TMEM181: variants seen among roughly 807,000 people sequenced by gnomAD.
TMEM181 encodes the protein G protein-coupled receptor 178.
Under a neutral mutation model 71.9 loss-of-function variants are expected in TMEM181, and 39 were observed. The ratio of observed to expected loss-of-function variants is 0.54; its 90% CI spans 0.42 to 0.71. The LOEUF is 0.71. TMEM181 is among the 30% of genes least tolerant of loss of function. The probability of loss-of-function intolerance (pLI) is 0.00; values close to 1 mark genes in which losing one functional copy is unlikely to be tolerated. For synonymous variants in TMEM181, 245 were observed against 228.8 expected (o/e 1.07, Z -0.64); for missense variants, 595 against 583.0 (o/e 1.02, Z -0.21).
chr6:158,546,983 TAAAG>T (rs898215928), intron 1 of TMEM181, among the ~76,000 whole-genome samples: 4 of 142,740 alleles, frequency 2.8e-5, no homozygotes, highest in African/African-American at 1.2e-4. Flanking sequence ...AACAAACAAA[TAAAG>T]AATACTGATG....
At chr6:158,562,560 A>T (rs1014902752) in intron 1 of TMEM181, among the ~76,000 whole-genome samples, 2 of 151,628 alleles carry the variant, frequency 1.3e-5, no homozygotes, top group African/African-American at 4.9e-5. Context: ...GAAGTGTATT[A>T]ATTAGAACCA....
intron 1 of TMEM181, among the ~76,000 whole-genome samples, chr6:158,552,640 G>A (rs1159321725): frequency 2.0e-5 from 3 of 152,174 alleles, no homozygotes; most frequent in Non-Finnish European, 4.4e-5. Flanking sequence ...AAAAGTTACA[G>A]GAGCTGATAA....
intron 1 of TMEM181, among the ~76,000 whole-genome samples, chr6:158,563,697 T>C (rs138431662): frequency 1.8e-3 from 273 of 152,358 alleles, no homozygotes; most frequent in Middle Eastern, 0.01. Flanking sequence ...TCACTGGGCT[T>C]GCAATCTGGA....
At chr6:158,560,948 TG>T (rs888466312) in intron 1 of TMEM181, among the ~76,000 whole-genome samples, 3 of 152,046 alleles carry the variant, frequency 2.0e-5, no homozygotes, top group Non-Finnish European at 2.9e-5. Context: ...TGGGCGCATC[TG>T]GAAAAGAAGG....
At chr6:158,551,145 A>G (rs532288820) in intron 1 of TMEM181, among the ~76,000 whole-genome samples, 1 of 152,146 alleles carries the variant, frequency 6.6e-6, no homozygotes, top group South Asian at 2.1e-4. Context: ...TGTTTTTAGT[A>G]GAGACGGGGT....
intron 10 of TMEM181, among the ~76,000 whole-genome samples, chr6:158,619,255 A>T (rs1482661518): frequency 6.6e-6 from 1 of 152,088 alleles, no homozygotes; most frequent in Non-Finnish European, 1.5e-5. Context: ...ATCTTCAGTT[A>T]CTGATACCCT....
At chr6:158,565,256 G>T (rs1216262040) in intron 1 of TMEM181, among the ~76,000 whole-genome samples, 1 of 152,226 alleles carries the variant, frequency 6.6e-6, no homozygotes, top group East Asian at 1.9e-4. Context: ...CTCCCCTGCC[G>T]TGCCCTCCTG....
intron 6 of TMEM181, among the ~76,000 whole-genome samples, chr6:158,592,274 C>A (rs1287339670): frequency 2.0e-5 from 3 of 152,200 alleles, no homozygotes; most frequent in Non-Finnish European, 4.4e-5. Flanking sequence ...CAACAGACTT[C>A]TGAAATTATG....
chr6:158,631,777 G>A (rs773131912), intron 16 of TMEM181, 33 bp from the exon 17 acceptor site: 1 of 1,570,710 alleles, frequency 6.4e-7, no homozygotes, highest in Non-Finnish European at 8.6e-7. Context: ...GCTGTCAGAA[G>A]TTAGACGGTC....
intron 1 of TMEM181, among the ~76,000 whole-genome samples, chr6:158,568,452 C>G (rs1017612584): frequency 1.2e-4 from 18 of 152,040 alleles, no homozygotes; most frequent in African/African-American, 4.1e-4. Context: ...GAGTCTAGGA[C>G]TAGAGGTTTC....
chr6:158,538,649 C>A (rs866947736), intron 1 of TMEM181, among the ~76,000 whole-genome samples: 1 of 152,258 alleles, frequency 6.6e-6, no homozygotes, highest in Non-Finnish European at 1.5e-5. Context: ...TTGTTCTAGG[C>A]GTTGTGAATA....
chr6:158,565,706 G>T (rs1033326150), intron 1 of TMEM181, among the ~76,000 whole-genome samples: 17 of 152,360 alleles, frequency 1.1e-4, no homozygotes, highest in South Asian at 2.1e-4. Flanking sequence ...CTCAGTGCTG[G>T]CCTCTGGGGG....
At chr6:158,571,509 A>G (rs1432595643) in intron 1 of TMEM181, among the ~76,000 whole-genome samples, 2 of 143,830 alleles carry the variant, frequency 1.4e-5, no homozygotes, top group East Asian at 3.9e-4. Context: ...CGTGTTGGCC[A>G]GGATGGTCTC....
At chr6:158,577,389 G>A (rs181821577) in intron 2 of TMEM181, among the ~76,000 whole-genome samples, 1 of 152,282 alleles carries the variant, frequency 6.6e-6, no homozygotes, top group East Asian at 1.9e-4. Flanking sequence ...ATAGGACAGT[G>A]GAAATTTTTG....
intron 2 of TMEM181, among the ~76,000 whole-genome samples, chr6:158,577,363 A>C (rs1783223304): frequency 1.3e-5 from 2 of 152,218 alleles, no homozygotes; most frequent in Admixed American, 1.3e-4. Flanking sequence ...AGAGGAAAGA[A>C]TCAGTGAATC....
chr6:158,606,899 C>A (rs764054166), intron 7 of TMEM181, among the ~76,000 whole-genome samples: 2 of 152,184 alleles, frequency 1.3e-5, no homozygotes, highest in Non-Finnish European at 2.9e-5. Flanking sequence ...CTGGAGCAGG[C>A]CCAGTGGAAG....
At chr6:158,575,443 A>T (rs747960355) in intron 2 of TMEM181, among the ~76,000 whole-genome samples, 124 of 152,062 alleles carry the variant, frequency 8.2e-4, no homozygotes, top group Non-Finnish European at 1.1e-3. Context: ...ATTCTCCAGT[A>T]GCTGGGATTA....
intron 1 of TMEM181, among the ~76,000 whole-genome samples, chr6:158,547,937 A>G (rs1378392218): frequency 6.6e-6 from 1 of 151,142 alleles, no homozygotes; most frequent in Non-Finnish European, 1.5e-5. Context: ...TAAGTTGGTG[A>G]AAGCCATGGA....
intron 1 of TMEM181, among the ~76,000 whole-genome samples, chr6:158,553,939 C>T (rs1434220149): frequency 6.6e-6 from 1 of 151,822 alleles, no homozygotes; most frequent in African/African-American, 2.4e-5. Flanking sequence ...CGGAGTTTTG[C>T]TCTGTTGCCC....
Sources: allele counts gnomAD v4.1 joint callset (sites outside exome capture counted in the v4.1 genomes callset), GRCh38; gene constraint gnomAD v4.1.1; transcripts MANE v1.5; gene names NCBI Gene and HGNC (gene_info 2026-07-23, HGNC 2026-07-21).